The following PAX7 variants were observed in gnomAD, a reference collection of about 807,000 sequenced individuals.
PAX7 encodes the protein paired box protein Pax-7.
In PAX7, 18 loss-of-function variants were observed where a neutral mutation model predicts 50.7. The observed-to-expected ratio is 0.36, with a 90% CI of 0.25 to 0.53. PAX7 has a LOEUF of 0.53. PAX7 is among the 20% of genes least tolerant of loss of function. PAX7 has a pLI of 0.93. For missense variants in PAX7, 644 were observed against 702.9 expected, an observed-to-expected ratio of 0.92 and a Z score of 0.95; for synonymous variants, 310 against 290.4, an observed-to-expected ratio of 1.07 and a Z score of -0.69.
At chr1:18,649,824 A>T (rs2088404400) in intron 4 of PAX7, among the ~76,000 whole-genome samples, 1 of 152,264 alleles carries the variant, frequency 6.6e-6, no homozygotes, top group Admixed American at 6.5e-5. Context: ...CCCCATGCAG[A>T]GGCCCTAGCC....
At position 18,745,947 on chromosome 1, in the gene PAX7, C is replaced by T. The variant is rs1428951544; in HGVS notation, c.*1018C>T. ...TGTTGCCCAAGGCTTCAGCTCTCTG[C>T]CTGCAAGTCCACACCCCAGGGAGTT... On this transcript the variant is annotated 3_prime_UTR_variant, in exon 9 of 9. Coordinates refer to ENST00000420770, the MANE Select transcript of PAX7 (RefSeq NM_001135254.2). 10 of 231,398 alleles carry T rather than the reference C, an allele frequency of 4.3e-5. No individual in the cohort carries two copies. Among genetic ancestry groups the T allele is most frequent in the Non-Finnish European group, 8.5e-5 (10 of 116,962 alleles). The allele number at this position is 231,398 out of a possible 1,614,324, so 14.3% of individuals were successfully genotyped here.
At chr1:18,697,870 G>T (rs962276894) in intron 5 of PAX7, among the ~76,000 whole-genome samples, 10 of 144,298 alleles carry the variant, frequency 6.9e-5, no homozygotes, top group African/African-American at 2.5e-4. Flanking sequence ...CCAGGCAAAG[G>T]GCAGTTTGAG....
intron 4 of PAX7, among the ~76,000 whole-genome samples, chr1:18,682,791 A>G (rs1255722425): frequency 6.6e-6 from 1 of 152,064 alleles, no homozygotes; most frequent in African/African-American, 2.4e-5. Flanking sequence ...GGGAGAGAGG[A>G]GGTGCTGCCG....
chr1:18,648,983 C>T (rs1020575125), intron 4 of PAX7, among the ~76,000 whole-genome samples: 1 of 152,132 alleles, frequency 6.6e-6, no homozygotes, highest in African/African-American at 2.4e-5. Context: ...CCCAGACTCC[C>T]GCCACTGATG....
rs2100405836 is a variant in PAX7 at position 18,735,754 on chromosome 1, G to A, written c.1278G>A (p.Arg426=). The A allele has an allele frequency of 2.5e-6, 4 of 1,614,088 alleles. No homozygotes were observed. Among genetic ancestry groups the A allele is most frequent in the Non-Finnish European group, 3.4e-6 (4 of 1,180,012 alleles). The change falls in exon 8 of 9, where the codon CGG becomes CGA. Residue 426 remains arginine (R), a synonymous_variant. Transcript: ENST00000420770. The surrounding 1 kb of genome is among the most constrained non-coding windows in gnomAD (Gnocchi z 4.0). The part of the protein sequence containing the change: ...ATSISASCSQ[R]ADSIKPGDSL... ...CCATCTCAGCCAGCTGCAGCCAGCG[G>A]GCCGACTCCATCAAGCCAGGAGACA...
chr1:18,716,597 C>A (rs1031902666), intron 7 of PAX7, among the ~76,000 whole-genome samples: 6 of 151,846 alleles, frequency 4.0e-5, no homozygotes, highest in African/African-American at 1.5e-4. Context: ...CCTTCGCCCC[C>A]TGTGCCACCA....
chr1:18,728,450 G>T (rs149499968), intron 7 of PAX7, among the ~76,000 whole-genome samples: 2 of 151,966 alleles, frequency 1.3e-5, no homozygotes, highest in African/African-American at 2.4e-5. Flanking sequence ...CCATATCTTC[G>T]CCTGTATGAG....
At chr1:18,738,206 C>T (rs528837240) in intron 8 of PAX7, among the ~76,000 whole-genome samples, 5 of 152,156 alleles carry the variant, frequency 3.3e-5, no homozygotes, top group African/African-American at 1.2e-4. Context: ...GCAGGGTGCA[C>T]GCATGTGCAT....
intron 4 of PAX7, among the ~76,000 whole-genome samples, chr1:18,673,611 C>A (rs1303213236): frequency 6.6e-6 from 1 of 151,704 alleles, no homozygotes; most frequent in African/African-American, 2.4e-5. Flanking sequence ...TTTTATTGAT[C>A]AAAAAAAAGT....
intron 4 of PAX7, among the ~76,000 whole-genome samples, chr1:18,685,453 A>G (rs2088960900): frequency 6.6e-6 from 1 of 152,228 alleles, no homozygotes; most frequent in African/African-American, 2.4e-5. Context: ...CCACAGACCC[A>G]TAAACAGTCT....
At chr1:18,692,180 G>A (rs954921144) in intron 5 of PAX7, among the ~76,000 whole-genome samples, 4 of 152,102 alleles carry the variant, frequency 2.6e-5, no homozygotes, top group African/African-American at 9.7e-5. Context: ...AATGAAGGGA[G>A]AGATAGAGGG....
intron 4 of PAX7, among the ~76,000 whole-genome samples, chr1:18,662,493 G>C (rs2088614388): frequency 6.6e-6 from 1 of 152,056 alleles, no homozygotes; most frequent in Non-Finnish European, 1.5e-5. Flanking sequence ...ACTTCTACTT[G>C]GAATTAGAGA....
intron 7 of PAX7, among the ~76,000 whole-genome samples, chr1:18,714,338 G>C (rs963580681): frequency 1.1e-4 from 16 of 152,262 alleles, no homozygotes; most frequent in African/African-American, 3.9e-4. Context: ...GTGAAATGGG[G>C]CCTCTGCCAC....
chr1:18,673,431 G>T (rs182650498), intron 4 of PAX7, among the ~76,000 whole-genome samples: 1 of 152,142 alleles, frequency 6.6e-6, no homozygotes, highest in Admixed American at 6.5e-5. Flanking sequence ...GCATGACTTC[G>T]TGCCCTGTCA....
intron 4 of PAX7, among the ~76,000 whole-genome samples, chr1:18,650,906 G>T (rs769116120): frequency 7.2e-5 from 11 of 152,146 alleles, no homozygotes; most frequent in Non-Finnish European, 1.6e-4. Context: ...AATGGGGCTG[G>T]CAGGGCAAGA....
rs2089210676 is a variant in PAX7 at position 18,700,891 on chromosome 1, G to T, written c.952+73G>T. 18 of 1,270,106 alleles carry T rather than the reference G, an allele frequency of 1.4e-5. No homozygotes were observed. Among genetic ancestry groups the T allele is most frequent in the Admixed American group, 4.0e-5 (1 of 25,054 alleles). The allele number at this position is 1,270,106 out of a possible 1,614,324, so 78.7% of individuals were successfully genotyped here. On this transcript the variant is annotated intron_variant, in intron 6 of 8. Transcript: ENST00000420770. This position sits in a 1 kb window ranked among gnomAD's most constrained non-coding sequence, Gnocchi z 4.8. ...TCTTTCTTTACTTTCACTTACAAAG[G>T]CTCTTCTTTTTTTTATGACCATTTC... is the stretch of plus-strand genomic sequence containing the variant.
intron 7 of PAX7, among the ~76,000 whole-genome samples, chr1:18,716,941 A>G (rs971756052): frequency 9.4e-5 from 14 of 149,078 alleles, no homozygotes; most frequent in Admixed American, 8.0e-4. Context: ...CGGGCTCCCG[A>G]GGCCGGGCGG....
chr1:18,667,437 AGG>A (rs2088686428), intron 4 of PAX7, among the ~76,000 whole-genome samples: 1 of 150,290 alleles, frequency 6.7e-6, no homozygotes, highest in African/African-American at 2.5e-5. Flanking sequence ...GAAGGAAGGA[AGG>A]AAGGAAGGAA....
rs892659876 is a variant in PAX7, at chr1:18,748,497, T to G, written c.*3568T>G. The G allele has an allele frequency of 4.3e-6, 1 of 231,920 alleles. No homozygotes were observed. The highest frequency in any genetic ancestry group is 8.5e-6 in the Non-Finnish European group (1 of 117,236). 14.4% of individuals were successfully genotyped at this position (231,920 alleles called of 1,614,324 possible). ...CCGCCAACTTGAAACGCTCTGAGAC[T>G]TCTGTGTATTTGATGCTTCTTCAAG... On this transcript the variant is annotated 3_prime_UTR_variant, in exon 9 of 9. Transcript: ENST00000420770.
Sources: gnomAD v4.1 joint callset for allele counts (sites outside exome capture counted in the v4.1 genomes callset) on GRCh38, gnomAD v4.1.1 for gene constraint, Gnocchi (gnomAD v3.1) non-coding constraint, MANE v1.5 for transcripts, NCBI Gene and HGNC (gene_info 2026-07-23, HGNC 2026-07-21) for gene names.